SLC9A9: variants seen among roughly 807,000 people sequenced by gnomAD.
SLC9A9 encodes the protein sodium/hydrogen exchanger 9.
In SLC9A9, 62 loss-of-function variants were observed where a neutral mutation model predicts 77.8. That is an observed-to-expected ratio of 0.80 (90% CI 0.65 to 0.98). SLC9A9 has a LOEUF of 0.98. SLC9A9 is among the 50% of genes least tolerant of loss of function. The pLI is 0.00. For missense variants in SLC9A9, 775 were observed against 774.9 expected, an observed-to-expected ratio of 1.00 and a Z score of 0.00; for synonymous variants, 320 against 283.5, an observed-to-expected ratio of 1.13 and a Z score of -1.29.
intron 8 of SLC9A9, among the ~76,000 whole-genome samples, chr3:143,556,208 T>C (rs556703990): frequency 4.3e-4 from 65 of 152,230 alleles, no homozygotes; most frequent in Non-Finnish European, 8.7e-4. Flanking sequence ...TCCTAGATAG[T>C]TCTCTTAAAC....
At chr3:143,766,342 A>G (rs1355581920) in intron 4 of SLC9A9, among the ~76,000 whole-genome samples, 1 of 152,228 alleles carries the variant, frequency 6.6e-6, no homozygotes, top group South Asian at 2.1e-4. Context: ...GAAAATTTAA[A>G]AGGATGTAAA....
At chr3:143,432,650 A>T (rs1195576468) in intron 12 of SLC9A9, among the ~76,000 whole-genome samples, 1 of 152,040 alleles carries the variant, frequency 6.6e-6, no homozygotes. Context: ...TTTTTTTGAG[A>T]CGGAGTCTCA....
chr3:143,434,561 G>T (rs547049425), intron 12 of SLC9A9, among the ~76,000 whole-genome samples: 1 of 152,198 alleles, frequency 6.6e-6, no homozygotes, highest in South Asian at 2.1e-4. Flanking sequence ...CCAGTCTGAG[G>T]GCACAGGCTG....
intron 4 of SLC9A9, among the ~76,000 whole-genome samples, chr3:143,786,122 T>TGGG (rs1276845974): frequency 6.6e-6 from 1 of 152,112 alleles, no homozygotes; most frequent in Admixed American, 6.5e-5. Context: ...CCCAAAGTGC[T>TGGG]GGGATTACAG....
At chr3:143,821,221 C>T (rs2108881037) in intron 2 of SLC9A9, among the ~76,000 whole-genome samples, 1 of 152,346 alleles carries the variant, frequency 6.6e-6, no homozygotes, top group African/African-American at 2.4e-5. Context: ...TCACACGCTC[C>T]TCAGACTTCT....
At chr3:143,841,274 G>A (rs2009699800) in intron 1 of SLC9A9, among the ~76,000 whole-genome samples, 1 of 152,090 alleles carries the variant, frequency 6.6e-6, no homozygotes, top group African/African-American at 2.4e-5. Flanking sequence ...AAACTGCTAA[G>A]GTTTGAGACC....
chr3:143,613,671 C>T (rs62269804), intron 6 of SLC9A9, among the ~76,000 whole-genome samples: 1 of 151,308 alleles, frequency 6.6e-6, no homozygotes, highest in Non-Finnish European at 1.5e-5. Context: ...TATAATGCCA[C>T]TTTTAAACAC....
chr3:143,684,442 C>A (rs1868173), intron 5 of SLC9A9, among the ~76,000 whole-genome samples: 49,416 of 151,876 alleles, frequency 0.33, 8,730 homozygotes, highest in East Asian at 0.4. Flanking sequence ...TCCCTTTACT[C>A]ATTTTAGATA....
At chr3:143,427,067 T>C (rs1395926575) in intron 12 of SLC9A9, among the ~76,000 whole-genome samples, 1 of 152,190 alleles carries the variant, frequency 6.6e-6, no homozygotes, top group Non-Finnish European at 1.5e-5. Context: ...TAAAAACAAC[T>C]CATGAAAACA....
chr3:143,273,644 C>T (rs931198888), intron 14 of SLC9A9, among the ~76,000 whole-genome samples: 2 of 152,212 alleles, frequency 1.3e-5, no homozygotes, highest in Non-Finnish European at 2.9e-5. Flanking sequence ...CTTGGGCCCT[C>T]TTTAAAAATC....
rs545459223 is a variant in SLC9A9, at chr3:143,599,361, T to A, written c.756-20638A>T. Among the ~76,000 whole-genome samples the A allele has an allele frequency of 7.2e-5, 11 of 152,300 alleles. No individual in the cohort carries two copies. In the South Asian group the frequency reaches 1.9e-3, roughly 26 times the overall value. The stretch of plus-strand genomic sequence containing the variant: ...CTCAGGAATCTAATAATAAAAGGAC[T>A]TTTCCTGGAAAGCATAAGTAGTTCT... On this transcript the variant is annotated intron_variant, in intron 6 of 15. Coordinates refer to ENST00000316549, the MANE Select transcript of SLC9A9 (RefSeq NM_173653.4).
chr3:143,273,905 A>G (rs568619088), intron 14 of SLC9A9, among the ~76,000 whole-genome samples: 110 of 152,266 alleles, frequency 7.2e-4, no homozygotes, highest in African/African-American at 2.5e-3. Flanking sequence ...ATAGTAGACA[A>G]TGTTCTTTTT....
At position 143,824,737 on chromosome 3, in the gene SLC9A9, T is replaced by C. The variant is rs1294718316; in HGVS notation, c.378+7282A>G. ...GAAGGAATGAAGAAAATCTGTGTTG[T>C]TCAATGATGAAATCAAAACCAAATG... On this transcript the variant is annotated intron_variant, in intron 2 of 15. Transcript: ENST00000316549. Among the ~76,000 whole-genome samples the C allele has an allele frequency of 2.0e-5, 3 of 152,360 alleles. No individual in the cohort carries two copies. The East Asian group carries it at 5.8e-4, about 29-fold the overall frequency.
chr3:143,736,572 T>C (rs1055777350), intron 4 of SLC9A9, among the ~76,000 whole-genome samples: 4 of 152,168 alleles, frequency 2.6e-5, no homozygotes, highest in African/African-American at 9.7e-5. Context: ...TAACTACCCC[T>C]TCTTTCATTG....
At chr3:143,782,869 T>C (rs1372251268) in intron 4 of SLC9A9, among the ~76,000 whole-genome samples, 1 of 152,294 alleles carries the variant, frequency 6.6e-6, no homozygotes, top group South Asian at 2.1e-4. Flanking sequence ...TTGTGATATA[T>C]TTGACAATCA....
chr3:143,575,177 A>G (rs775505670), intron 7 of SLC9A9, among the ~76,000 whole-genome samples: 4 of 152,230 alleles, frequency 2.6e-5, no homozygotes, highest in Non-Finnish European at 5.9e-5. Context: ...TGAATTGACA[A>G]TGAGAATAAT....
intron 9 of SLC9A9, chr3:143,518,095 A>T: frequency 6.4e-7 from 1 of 1,572,190 alleles, no homozygotes; most frequent in Non-Finnish European, 8.7e-7. Flanking sequence ...CTTTCTGAGT[A>T]GCAGGTGGTA....
chr3:143,366,443 T>C (rs2032903409), intron 13 of SLC9A9, among the ~76,000 whole-genome samples: 2 of 152,252 alleles, frequency 1.3e-5, no homozygotes, highest in Non-Finnish European at 1.5e-5. Flanking sequence ...AGAATGTTTT[T>C]CTGCAAGTAT....
intron 3 of SLC9A9, among the ~76,000 whole-genome samples, chr3:143,796,212 T>A (rs1324971055): frequency 6.6e-6 from 1 of 152,184 alleles, no homozygotes; most frequent in South Asian, 2.1e-4. Flanking sequence ...GTTAGACAAG[T>A]GCATAGAAAC....
Sources: allele counts gnomAD v4.1 joint callset (sites outside exome capture counted in the v4.1 genomes callset), GRCh38; gene constraint gnomAD v4.1.1; transcripts MANE v1.5; gene names NCBI Gene and HGNC (gene_info 2026-07-23, HGNC 2026-07-21).